Variants in KCNN3 observed in about 807,000 individuals in gnomAD.
KCNN3 encodes potassium calcium-activated channel subfamily N member 3, also known as small conductance calcium-activated potassium channel protein 3.
Under a neutral mutation model 62.9 loss-of-function variants are expected in KCNN3, and 16 were observed. The observed-to-expected ratio is 0.25, with a 90% CI of 0.17 to 0.39. KCNN3 has a LOEUF of 0.39. KCNN3 is among the 10% of genes least tolerant of loss of function. The probability of loss-of-function intolerance (pLI) is 1.00; values close to 1 mark genes in which losing one functional copy is unlikely to be tolerated. For synonymous variants in KCNN3, 370 were observed against 389.2 expected, an observed-to-expected ratio of 0.95 and a Z score of 0.58; for missense variants, 599 against 949.4, an observed-to-expected ratio of 0.63 and a Z score of 4.85.
intron 2 of KCNN3, among the ~76,000 whole-genome samples, chr1:154,790,584 C>T (rs1001660558): frequency 5.3e-5 from 8 of 152,124 alleles, no homozygotes; most frequent in Non-Finnish European, 8.8e-5. Context: ...CAGGGCTGAC[C>T]GGGGCTCTCT....
intron 1 of KCNN3, among the ~76,000 whole-genome samples, chr1:154,840,779 C>T (rs1651790436): frequency 6.6e-6 from 1 of 152,238 alleles, no homozygotes; most frequent in African/African-American, 2.4e-5. Context: ...AGCCTCTGCT[C>T]AGGTTTGCAG....
intron 1 of KCNN3, among the ~76,000 whole-genome samples, chr1:154,836,736 G>A (rs1651605136): frequency 6.6e-6 from 1 of 152,212 alleles, no homozygotes; most frequent in East Asian, 1.9e-4. Flanking sequence ...CAGCTAAAGG[G>A]GCTAGGTCTG....
intron 7 of KCNN3, among the ~76,000 whole-genome samples, chr1:154,712,226 C>G (rs1287967016): frequency 1.3e-5 from 2 of 152,148 alleles, no homozygotes; most frequent in Non-Finnish European, 2.9e-5. Flanking sequence ...TCCCTTATAT[C>G]CTTAGAATAG....
In KCNN3 at chr1:154,705,814, A is replaced by G. The variant is rs1056406672; in HGVS notation, c.*2162T>C. On this transcript the variant is annotated 3_prime_UTR_variant, in exon 8 of 8. Transcript: ENST00000271915. The stretch of plus-strand genomic sequence containing the variant: ...TTGAAGGCTGTAGGTTTAAATGATC[A>G]GGATTGGCACACTCAGATCAGCCCA... 2.6e-5 allele frequency: 4 copies of G among 152,246 alleles called. No homozygotes were observed. The highest frequency in any genetic ancestry group is 4.4e-5 in the Non-Finnish European group (3 of 68,050). 9.4% of individuals were successfully genotyped at this position (152,246 alleles called of 1,614,324 possible).
Position 154,725,934 on chromosome 1 carries a change from G to A in KCNN3, c.1683C>T (p.Asp561=). ...ATCTTACCCGCTTGGTGAGCTGAGT[G>A]TCCATCATGAAGTTATGAACGTGCT... ...AEKHVHNFMM[D]TQLTKRIKNA... The change falls in exon 5 of 8, where the codon GAC becomes GAT. Residue 561 remains aspartate (D), a synonymous_variant. Transcript: ENST00000271915. 6.2e-7 allele frequency: 1 copy of A among 1,613,880 alleles called. No individual in the cohort carries two copies. Among genetic ancestry groups the A allele is most frequent in the Non-Finnish European group, 8.5e-7 (1 of 1,179,792 alleles).
At chr1:154,737,949 A>G (rs1268536435) in intron 3 of KCNN3, among the ~76,000 whole-genome samples, 2 of 152,234 alleles carry the variant, frequency 1.3e-5, no homozygotes, top group African/African-American at 2.4e-5. Flanking sequence ...AGGGAAAGAA[A>G]ATATGAGAAA....
At position 154,702,747 on chromosome 1, in the gene KCNN3, AT is replaced by A. The variant is rs1699882515; in HGVS notation, c.*5228del. 1 of 85,814 alleles carries A rather than the reference AT, an allele frequency of 1.2e-5. No homozygotes were observed. The highest frequency in any genetic ancestry group is 2.4e-5 in the Non-Finnish European group (1 of 41,802). 5.3% of individuals were successfully genotyped at this position (85,814 alleles called of 1,614,324 possible). Reference sequence around the variant, plus strand: ...TATATATATATATATATATATATATATGTACTTTTTCTTTTTGGCTATAAAT... The same window carrying A: ...TATATATATATATATATATATATATAGTACTTTTTCTTTTTGGCTATAAAT... On this transcript the variant is annotated 3_prime_UTR_variant, in exon 8 of 8. Coordinates refer to ENST00000271915, the MANE Select transcript of KCNN3 (RefSeq NM_002249.6).
intron 1 of KCNN3, among the ~76,000 whole-genome samples, chr1:154,849,060 A>C (rs997799699): frequency 6.6e-6 from 1 of 152,196 alleles, no homozygotes; most frequent in African/African-American, 2.4e-5. Context: ...TCCTGAGCTC[A>C]GAACAAATGT....
At chr1:154,710,381 T>C (rs1245625239) in intron 7 of KCNN3, among the ~76,000 whole-genome samples, 1 of 152,188 alleles carries the variant, frequency 6.6e-6, no homozygotes. Flanking sequence ...TGGGTGAGTC[T>C]CCTGGGAGGA....
At position 154,730,671 on chromosome 1, in the gene KCNN3, C is replaced by T. The variant is rs949191590; in HGVS notation, c.1590+2332G>A. ...ACTGACAATAAATAGAGGAAACCTC[C>T]CTGTTCCTGTATATAGAAAGGTGTA... On this transcript the variant is annotated intron_variant, in intron 4 of 7. Coordinates refer to ENST00000271915, the MANE Select transcript of KCNN3 (RefSeq NM_002249.6). Among the ~76,000 whole-genome samples the T allele has an allele frequency of 3.9e-5, 6 of 152,142 alleles. No individual in the cohort carries two copies. The East Asian group carries it at 1.2e-3, about 29-fold the overall frequency.
In KCNN3 at chr1:154,870,122, G is replaced by A. The variant is rs1653125514; in HGVS notation, c.-158C>T. 1 of 848,256 alleles carries A rather than the reference G, an allele frequency of 1.2e-6. No individual in the cohort carries two copies. Among genetic ancestry groups the A allele is most frequent in the African/African-American group, 1.7e-5 (1 of 59,676 alleles). The allele number at this position is 848,256 out of a possible 1,614,324, so 52.5% of individuals were successfully genotyped here. On this transcript the variant is annotated 5_prime_UTR_variant, in exon 1 of 8. Transcript: ENST00000271915. ...TTGCTTCGGTTCTCTGGGGCTGCCT[G>A]GAGTCCAGACGCTGCCACTCAAGAA...
At chr1:154,734,457 G>A (rs966335164) in intron 3 of KCNN3, among the ~76,000 whole-genome samples, 1 of 152,228 alleles carries the variant, frequency 6.6e-6, no homozygotes, top group Non-Finnish European at 1.5e-5. Flanking sequence ...CACACAACGT[G>A]CCGGGACAGG....
intron 2 of KCNN3, among the ~76,000 whole-genome samples, chr1:154,803,728 G>A (rs960794948): frequency 3.9e-5 from 6 of 152,218 alleles, no homozygotes; most frequent in African/African-American, 1.2e-4. Flanking sequence ...CACAGCTGAC[G>A]GAGATTCCTA....
chr1:154,733,120 A>C lies in KCNN3; in HGVS notation c.1473T>G (p.Thr491=). ...GCCACATGGCACCCAGAAAGTTACT[A>C]GTTACGTCCTGCTGGTCATGGTACC... ...CERYHDQQDV[T]SNFLGAMWLI... Residue 491 remains threonine, a synonymous_variant, in exon 4 of 8, where the codon ACT becomes ACG. Transcript: ENST00000271915. 1 of 1,614,192 alleles carries C rather than the reference A, an allele frequency of 6.2e-7. No individual in the cohort carries two copies. Among genetic ancestry groups the C allele is most frequent in the South Asian group, 1.1e-5 (1 of 91,080 alleles).
intron 5 of KCNN3, among the ~76,000 whole-genome samples, chr1:154,720,325 G>A (rs1435051651): frequency 6.6e-6 from 1 of 152,240 alleles, no homozygotes; most frequent in Non-Finnish European, 1.5e-5. Flanking sequence ...GTCTGGGACA[G>A]AACCTTGTGC....
intron 2 of KCNN3, among the ~76,000 whole-genome samples, chr1:154,796,566 T>C (rs1248485420): frequency 6.6e-6 from 1 of 152,222 alleles, no homozygotes; most frequent in African/African-American, 2.4e-5. Flanking sequence ...CAAGTTACAA[T>C]TCATCTGGCT....
chr1:154,719,294 C>T (rs772913747), intron 5 of KCNN3, among the ~76,000 whole-genome samples: 2 of 152,018 alleles, frequency 1.3e-5, no homozygotes, highest in African/African-American at 2.4e-5. Context: ...GAGGCCTGGC[C>T]GGTGGGTGTG....
chr1:154,739,520 A>C (rs1011035962), intron 3 of KCNN3, among the ~76,000 whole-genome samples: 1 of 152,250 alleles, frequency 6.6e-6, no homozygotes, highest in African/African-American at 2.4e-5. Context: ...GACCTTCATA[A>C]GGATGAAATC....
chr1:154,749,470 A>G lies in KCNN3; in HGVS notation c.1449-16326T>C, dbSNP rs550965433. 4.6e-5 allele frequency among the ~76,000 whole-genome samples: 7 copies of G among 152,384 alleles called. No homozygotes were observed. The South Asian group carries it at 1.4e-3, about 32-fold the overall frequency. ...CCTGTGACCAAGAACAAAGAGGAAC[A>G]GCACAGAACAAGTACCCTGGGAAGG... On this transcript the variant is annotated intron_variant, in intron 3 of 7. Transcript: ENST00000271915.
Sources: allele counts gnomAD v4.1 joint callset (sites outside exome capture counted in the v4.1 genomes callset), GRCh38; gene constraint gnomAD v4.1.1; transcripts MANE v1.5; gene names NCBI Gene and HGNC (gene_info 2026-07-23, HGNC 2026-07-21).